The following AHCYL2 variants were observed in gnomAD, a reference collection of about 807,000 sequenced individuals.
AHCYL2 encodes the protein S-adenosylhomocysteine hydrolase-like protein 2.
A neutral mutation model predicts 81.4 loss-of-function variants in AHCYL2; 28 were observed. That is an observed-to-expected ratio of 0.34 (90% CI 0.25 to 0.47). The LOEUF is 0.47. Among genes scored for constraint, AHCYL2 ranks in the 20% least tolerant of loss-of-function variants. The pLI, the probability that AHCYL2 is intolerant of heterozygous loss-of-function variation, is 1.00. For synonymous variants in AHCYL2, 272 were observed against 290.2 expected, an observed-to-expected ratio of 0.94 and a Z score of 0.64; for missense variants, 551 against 785.1, an observed-to-expected ratio of 0.70 and a Z score of 3.56.
chr7:129,243,782 G>A lies in AHCYL2; in HGVS notation c.363+18343G>A, dbSNP rs185555201. On this transcript the variant is annotated intron_variant, in intron 1 of 16. Transcript: ENST00000325006. ...TTTTTAGTAGAGATGGGGTTTCACCGTGTAAGCCAGCATGGTCAGCCAGGA... is the reference window on the plus strand; with the variant it reads ...TTTTTAGTAGAGATGGGGTTTCACCATGTAAGCCAGCATGGTCAGCCAGGA... Among the ~76,000 whole-genome samples the A allele has an allele frequency of 2.0e-3, 297 of 151,250 alleles. 3 individuals are homozygous for A. The highest frequency in any genetic ancestry group is 6.8e-3 in the African/African-American group (281 of 41,290).
At chr7:129,285,074 CCAG>C (rs2150743990) in intron 1 of AHCYL2, among the ~76,000 whole-genome samples, 1 of 152,176 alleles carries the variant, frequency 6.6e-6, no homozygotes, top group East Asian at 1.9e-4. Flanking sequence ...GCTGGGACAG[CCAG>C]CTCTAGCTGT....
intron 1 of AHCYL2, among the ~76,000 whole-genome samples, chr7:129,246,496 CTGTT>C: frequency 6.6e-6 from 1 of 152,234 alleles, no homozygotes; most frequent in East Asian, 1.9e-4. Flanking sequence ...AGCTTTCTTT[CTGTT>C]TATTTTTATT....
At chr7:129,310,030 G>A (rs1050660420) in intron 1 of AHCYL2, among the ~76,000 whole-genome samples, 1 of 151,358 alleles carries the variant, frequency 6.6e-6, no homozygotes, top group Non-Finnish European at 1.5e-5. Context: ...TTTCCTTTCT[G>A]TCCCAGAGGA....
intron 1 of AHCYL2, among the ~76,000 whole-genome samples, chr7:129,243,231 G>A (rs561758358): frequency 1.3e-5 from 2 of 151,750 alleles, no homozygotes; most frequent in Admixed American, 6.6e-5. Context: ...CACCATCTTG[G>A]CCAGGCTGGT....
chr7:129,402,330 G>A (rs773692273), intron 6 of AHCYL2, among the ~76,000 whole-genome samples: 16 of 152,098 alleles, frequency 1.1e-4, no homozygotes, highest in Non-Finnish European at 1.0e-4. Flanking sequence ...AACAGCAAGA[G>A]CAAAAGCAAA....
intron 1 of AHCYL2, among the ~76,000 whole-genome samples, chr7:129,366,081 C>G (rs1794103612): frequency 6.6e-6 from 1 of 152,166 alleles, no homozygotes; most frequent in African/African-American, 2.4e-5. Context: ...AGTTGACACT[C>G]TGACTTCAGT....
intron 1 of AHCYL2, among the ~76,000 whole-genome samples, chr7:129,336,166 C>G (rs1471463589): frequency 6.9e-6 from 1 of 145,194 alleles, no homozygotes; most frequent in Non-Finnish European, 1.5e-5. Context: ...CTCCCAGGTT[C>G]AAACGATTCT....
At chr7:129,330,870 T>C (rs1373590514) in intron 1 of AHCYL2, among the ~76,000 whole-genome samples, 11 of 152,214 alleles carry the variant, frequency 7.2e-5, no homozygotes, top group African/African-American at 2.7e-4. Context: ...TATGAACTCA[T>C]AGATAAAGGT....
At chr7:129,401,365 G>A (rs902803187) in intron 6 of AHCYL2, among the ~76,000 whole-genome samples, 1 of 144,220 alleles carries the variant, frequency 6.9e-6, no homozygotes, top group African/African-American at 2.5e-5. Flanking sequence ...GCTACACAAA[G>A]TATAAGGTGC....
chr7:129,257,493 C>A (rs1178152903), intron 1 of AHCYL2, among the ~76,000 whole-genome samples: 1 of 152,092 alleles, frequency 6.6e-6, no homozygotes. Context: ...AAGTACCTAC[C>A]CAGTGCCTGG....
At chr7:129,255,326 TAAATTA>T (rs1795376683) in intron 1 of AHCYL2, among the ~76,000 whole-genome samples, 2 of 152,282 alleles carry the variant, frequency 1.3e-5, no homozygotes, top group East Asian at 1.9e-4. Context: ...CTTAACCCAG[TAAATTA>T]AAAAGTTATT....
At chr7:129,295,052 T>C (rs940395708) in intron 1 of AHCYL2, among the ~76,000 whole-genome samples, 1 of 152,240 alleles carries the variant, frequency 6.6e-6, no homozygotes, top group Non-Finnish European at 1.5e-5. Context: ...TAGTTGATCT[T>C]GGCAGTAGGC....
At position 129,335,152 on chromosome 7, in the gene AHCYL2, C is replaced by T. The variant is rs569697419; in HGVS notation, c.364-44486C>T. On this transcript the variant is annotated intron_variant, in intron 1 of 16. Coordinates refer to ENST00000325006, the MANE Select transcript of AHCYL2 (RefSeq NM_015328.4). ...ATCCCAGCACTTTGGGAGGCCAGGG[C>T]GGAGGACTGCTTGAGCCCAGCCTGG... 4.6e-5 allele frequency among the ~76,000 whole-genome samples: 7 copies of T among 152,040 alleles called. No individual in the cohort carries two copies. The East Asian group carries it at 9.7e-4, about 21-fold the overall frequency.
chr7:129,322,778 T>A (rs1798085771), intron 1 of AHCYL2, among the ~76,000 whole-genome samples: 1 of 151,952 alleles, frequency 6.6e-6, no homozygotes, highest in Non-Finnish European at 1.5e-5. Context: ...TTTTTAGGGG[T>A]GGGGTTTTGC....
At chr7:129,379,774 C>A in intron 2 of AHCYL2, 25 bp downstream of exon 2, 1 of 1,587,638 alleles carries the variant, frequency 6.3e-7, no homozygotes, top group Non-Finnish European at 8.6e-7. Context: ...GCTGTGGACC[C>A]AGCTGTTGAG....
chr7:129,306,845 A>T (rs1029952040), intron 1 of AHCYL2, among the ~76,000 whole-genome samples: 3 of 152,202 alleles, frequency 2.0e-5, no homozygotes, highest in Non-Finnish European at 4.4e-5. Flanking sequence ...TGTAGTTCAT[A>T]CAGACTCGTA....
rs117146446 is a variant in AHCYL2 at position 129,271,049 on chromosome 7, C to A, written c.363+45610C>A. Among the ~76,000 whole-genome samples, 1,103 of 152,072 alleles carry A rather than the reference C, an allele frequency of 7.3e-3. 6 individuals carry two copies. The highest frequency in any genetic ancestry group is 0.011 in the Non-Finnish European group (750 of 68,002). On this transcript the variant is annotated intron_variant, in intron 1 of 16. Coordinates refer to ENST00000325006, the MANE Select transcript of AHCYL2 (RefSeq NM_015328.4). ...TCAATCTAGGCCACACCAAATCTCA[C>A]AGCTAAAGGTGCTCTAAAAAAAAAA...
chr7:129,402,274 T>C (rs772465687), intron 6 of AHCYL2, among the ~76,000 whole-genome samples: 1 of 152,090 alleles, frequency 6.6e-6, no homozygotes, highest in Non-Finnish European at 1.5e-5. Context: ...GAGTCCTAAC[T>C]TGGATCCTGG....
In AHCYL2 at chr7:129,313,834, C is replaced by G. The variant is rs543981121; in HGVS notation, c.364-65804C>G. On this transcript the variant is annotated intron_variant, in intron 1 of 16. Coordinates refer to ENST00000325006, the MANE Select transcript of AHCYL2 (RefSeq NM_015328.4). ...TTTAACATTTCTAAAGTTGAGATGC[C>G]AGTTTAATTGGTAACACTTTCTTTT... is the stretch of plus-strand genomic sequence containing the variant. 5.2e-4 allele frequency among the ~76,000 whole-genome samples: 79 copies of G among 152,112 alleles called. 1 individual carries two copies. The highest frequency in any genetic ancestry group is 6.5e-4 in the Admixed American group (10 of 15,270).
Sources: gnomAD v4.1 joint callset for allele counts (sites outside exome capture counted in the v4.1 genomes callset) on GRCh38, gnomAD v4.1.1 for gene constraint, MANE v1.5 for transcripts, NCBI Gene and HGNC (gene_info 2026-07-23, HGNC 2026-07-21) for gene names.